ERCC3: variants seen among roughly 807,000 people sequenced by gnomAD.
The protein encoded by ERCC3 is ERCC excision repair 3, TFIIH core complex helicase subunit.
ERCC3 carries 66 observed loss-of-function variants against 94.2 expected under a neutral mutation model. The ratio of observed to expected loss-of-function variants is 0.70; its 90% CI spans 0.57 to 0.86. The LOEUF is 0.86. Among genes scored for constraint, ERCC3 ranks in the 40% least tolerant of loss-of-function variants. The pLI is 0.00. For missense variants in ERCC3, 829 were observed against 987.1 expected (o/e 0.84, Z 2.15); for synonymous variants, 349 against 369.1 (o/e 0.95, Z 0.63).
In ERCC3 at chr2:127,291,561, G is replaced by A. The variant is rs1018780153; in HGVS notation, c.471+1049C>T. 3.3e-5 allele frequency among the ~76,000 whole-genome samples: 5 copies of A among 152,118 alleles called. No homozygotes were observed. Among genetic ancestry groups the A allele is most frequent in the Admixed American group, 2.6e-4 (4 of 15,256 alleles). On this transcript the variant is annotated intron_variant, in intron 3 of 14. Transcript: ENST00000285398. This position sits in a 1 kb window ranked among gnomAD's most constrained non-coding sequence, Gnocchi z 4.9. ...CAGGAGTGAGCCACTGCACCTGGCCGGGCACGCTTTCACATCACAGGAAAA... is the reference window on the plus strand; with the variant it reads ...CAGGAGTGAGCCACTGCACCTGGCCAGGCACGCTTTCACATCACAGGAAAA...
rs1451334546 is a variant in ERCC3, at chr2:127,280,326, G to A, written c.1527+121C>T. On this transcript the variant is annotated intron_variant, in intron 9 of 14. Transcript: ENST00000285398. This position sits in a 1 kb window ranked among gnomAD's most constrained non-coding sequence, Gnocchi z 6.3. ...CACAGGGTGACTGAGGATCCTGTAT[G>A]AAGTGGTAGCAGGTGAGCCTAAGTC... 2.3e-6 allele frequency: 2 copies of A among 876,634 alleles called. No individual in the cohort carries two copies. The highest frequency in any genetic ancestry group is 5.3e-5 in the East Asian group (2 of 37,852). 54.3% of individuals were successfully genotyped at this position (876,634 alleles called of 1,614,324 possible). A position where few individuals can be genotyped will look rare whatever the true frequency, so the allele number is the denominator to read the frequency against.
intron 1 of ERCC3, 164 bp from the exon 2 acceptor site, chr2:127,293,882 G>A (rs1466123133): frequency 6.5e-7 from 1 of 1,531,370 alleles, no homozygotes. Flanking sequence ...CGAGTTCGCT[G>A]GGCTGCGCCC....
Position 127,293,636 on chromosome 2 carries a change from C to G in ERCC3, c.111G>C (p.Ala37=), listed in dbSNP as rs749971925. Residue 37 remains alanine, a synonymous_variant, in exon 2 of 15, where the codon GCG becomes GCC. Transcript: ENST00000285398. ...EDAPGNDPQE[A]VPSAAGKQVD... ...CCTGCTTCCCCGCCGCCGAGGGAAC[C>G]GCTTCCTGAGGGTCGTTCCCCGGGG... The G allele has an allele frequency of 6.2e-7, 1 of 1,614,178 alleles. No individual in the cohort carries two copies. Among genetic ancestry groups the G allele is most frequent in the South Asian group, 1.1e-5 (1 of 91,088 alleles).
Position 127,280,414 on chromosome 2 carries a change from T to G in ERCC3, c.1527+33A>C. 1 of 1,593,100 alleles carries G rather than the reference T, an allele frequency of 6.3e-7. No homozygotes were observed. The highest frequency in any genetic ancestry group is 1.1e-5 in the South Asian group (1 of 88,404). On this transcript the variant is annotated intron_variant, in intron 9 of 14. Coordinates refer to ENST00000285398, the MANE Select transcript of ERCC3 (RefSeq NM_000122.2). The surrounding 1 kb of genome is among the most constrained non-coding windows in gnomAD (Gnocchi z 6.3). ...CTCCCCTGCCCATAGGAGGAGGCCCTTTCCCAGACGCCCCCAGCCCAGGCC... is the reference window on the plus strand; with the variant it reads ...CTCCCCTGCCCATAGGAGGAGGCCCGTTCCCAGACGCCCCCAGCCCAGGCC...
Position 127,287,490 on chromosome 2 carries a change from C to T in ERCC3, c.1028-473G>A, listed in dbSNP as rs182337346. ...TTTACTAAAAATACAAAAAATTAGC[C>T]GGGCATGGTGGCGGGCGCCTATAAT... On this transcript the variant is annotated intron_variant, in intron 7 of 14. Transcript: ENST00000285398. Among the ~76,000 whole-genome samples, 20 of 152,032 alleles carry T rather than the reference C, an allele frequency of 1.3e-4. 1 individual carries two copies. In the South Asian group the frequency reaches 2.1e-3, roughly 16 times the overall value.
At position 127,271,597 on chromosome 2, in the gene ERCC3, G is replaced by A. The variant is rs1418838021; in HGVS notation, c.1828-144C>T. 1.4e-6 allele frequency: 1 copy of A among 693,002 alleles called. No individual in the cohort carries two copies. Among genetic ancestry groups the A allele is most frequent in the Non-Finnish European group, 2.5e-6 (1 of 392,874 alleles). 42.9% of individuals were successfully genotyped at this position (693,002 alleles called of 1,614,324 possible). A position where few individuals can be genotyped will look rare whatever the true frequency, so the allele number is the denominator to read the frequency against. ...TACCAGGGTCTATCTGATGCAGGCA[G>A]AGAGAGGTGAAGCAATAAACCTCAG... On this transcript the variant is annotated intron_variant, in intron 11 of 14. Transcript: ENST00000285398. The surrounding 1 kb of genome is among the most constrained non-coding windows in gnomAD (Gnocchi z 5.0).
intron 10 of ERCC3, among the ~76,000 whole-genome samples, chr2:127,275,349 C>T (rs370795496): frequency 4.0e-5 from 6 of 151,780 alleles, no homozygotes; most frequent in African/African-American, 1.5e-4. Context: ...ATTTTAGAAG[C>T]GAGAAAACCA....
Position 127,257,752 on chromosome 2 carries a change from A to G in ERCC3, c.2218-25T>C, listed in dbSNP as rs1445310619. Reference sequence around the variant, plus strand: ...CCTGCCGGGAAGGGGGAACCAGCCCATGTTAGTCTCCAGAAGAAAAGATAC... The same window carrying G: ...CCTGCCGGGAAGGGGGAACCAGCCCGTGTTAGTCTCCAGAAGAAAAGATAC... On this transcript the variant is annotated intron_variant, in intron 14 of 14. Transcript: ENST00000285398. This position sits in a 1 kb window ranked among gnomAD's most constrained non-coding sequence, Gnocchi z 5.4. 3 of 1,614,178 alleles carry G rather than the reference A, an allele frequency of 1.9e-6. No individual in the cohort carries two copies. Among genetic ancestry groups the G allele is most frequent in the Admixed American group, 3.3e-5 (2 of 60,024 alleles).
chr2:127,288,299 T>TA (rs1685145488), intron 7 of ERCC3, among the ~76,000 whole-genome samples: 1 of 152,166 alleles, frequency 6.6e-6, no homozygotes, highest in Non-Finnish European at 1.5e-5. Flanking sequence ...CTAACCCCAC[T>TA]AAGTGCAACA....
chr2:127,271,506 C>T lies in ERCC3; in HGVS notation c.1828-53G>A, dbSNP rs1437930156. On this transcript the variant is annotated intron_variant, in intron 11 of 14. Transcript: ENST00000285398. The surrounding 1 kb of genome is among the most constrained non-coding windows in gnomAD (Gnocchi z 5.0). Reference sequence around the variant, plus strand: ...TATATGAGGAAAAAAAAAAAGTCAACTGATCCAGAATTTAAATAAGTTCTG... The same window carrying T: ...TATATGAGGAAAAAAAAAAAGTCAATTGATCCAGAATTTAAATAAGTTCTG... The T allele has an allele frequency of 1.4e-5, 16 of 1,174,390 alleles. No homozygotes were observed. The African/African-American group carries it at 2.0e-4, about 14-fold the overall frequency. 72.7% of individuals were successfully genotyped at this position (1,174,390 alleles called of 1,614,324 possible). A position where few individuals can be genotyped will look rare whatever the true frequency, so the allele number is the denominator to read the frequency against.
intron 12 of ERCC3, chr2:127,261,935 T>C (rs1684201702): frequency 6.0e-6 from 1 of 165,560 alleles, no homozygotes; most frequent in Non-Finnish European, 1.3e-5. Context: ...ATCAAAATGT[T>C]AAACACACTG....
rs1170079724 is a variant in ERCC3 at position 127,289,496 on chromosome 2, A to G, written c.663T>C (p.Ser221=). The change falls in exon 6 of 15, where the codon TCT becomes TCC. Residue 221 remains serine, a synonymous_variant. Coordinates refer to ENST00000285398, the MANE Select transcript of ERCC3 (RefSeq NM_000122.2). Reference sequence around the variant, plus strand: ...GCCCACCACTGCTTTCAGCAGTCTTAGAAATCTGTGAGAGAGGTAGGTGCT... The same window carrying G: ...GCCCACCACTGCTTTCAGCAGTCTTGGAAATCTGTGAGAGAGGTAGGTGCT... ...TETFTSKSAI[S]KTAESSGGPS... is the part of the protein sequence containing the mutation. 3 of 1,612,518 alleles carry G rather than the reference A, an allele frequency of 1.9e-6. No individual in the cohort carries two copies. The highest frequency in any genetic ancestry group is 2.5e-6 in the Non-Finnish European group (3 of 1,180,004).
intron 10 of ERCC3, 144 bp from the exon 11 acceptor site, chr2:127,273,105 T>C (rs532090405): frequency 1.6e-6 from 1 of 627,124 alleles, no homozygotes; most frequent in African/African-American, 1.8e-5. Flanking sequence ...CCCAAAAAAA[T>C]GACTGGCTAC....
intron 1 of ERCC3, 118 bp from the exon 2 acceptor site, chr2:127,293,836 C>T (rs1394489369): frequency 6.3e-7 from 1 of 1,582,886 alleles, no homozygotes; most frequent in Admixed American, 1.8e-5. Flanking sequence ...ACCTGCATCC[C>T]GCAGGCGTTG....
chr2:127,271,139 A>G lies in ERCC3; in HGVS notation c.1945+197T>C, dbSNP rs879932060. ...GTGGATTCCGTGACACTGTCATGGA[A>G]AACACCTGCATATTCACCCCCAAGG... On this transcript the variant is annotated intron_variant, in intron 12 of 14. Coordinates refer to ENST00000285398, the MANE Select transcript of ERCC3 (RefSeq NM_000122.2). The surrounding 1 kb of genome is among the most constrained non-coding windows in gnomAD (Gnocchi z 5.0). 1.3e-5 allele frequency among the ~76,000 whole-genome samples: 2 copies of G among 152,186 alleles called. No homozygotes were observed. Among genetic ancestry groups the G allele is most frequent in the Non-Finnish European group, 2.9e-5 (2 of 68,044 alleles).
chr2:127,283,914 T>C (rs1684992490), intron 8 of ERCC3, among the ~76,000 whole-genome samples: 2 of 152,242 alleles, frequency 1.3e-5, no homozygotes, highest in South Asian at 4.1e-4. Context: ...CTTTTTGCCA[T>C]GGCCTGAATG....
At chr2:127,265,248 G>T (rs1457037432) in intron 12 of ERCC3, among the ~76,000 whole-genome samples, 1 of 152,078 alleles carries the variant, frequency 6.6e-6, no homozygotes, top group African/African-American at 2.4e-5. Context: ...ATGTTTCCAG[G>T]AATTTATCTA....
intron 8 of ERCC3, among the ~76,000 whole-genome samples, chr2:127,281,853 T>C (rs766700051): frequency 6.6e-6 from 1 of 151,972 alleles, no homozygotes; most frequent in African/African-American, 2.4e-5. Flanking sequence ...CAAAATACAG[T>C]AGCCAAGAAC....
chr2:127,266,605 G>A (rs190085088), intron 12 of ERCC3, among the ~76,000 whole-genome samples: 1,698 of 152,008 alleles, frequency 0.011, 18 homozygotes, highest in Non-Finnish European at 0.017. Context: ...CCAAAGTGCT[G>A]GGATTATCGG....
Sources: allele counts gnomAD v4.1 joint callset (sites outside exome capture counted in the v4.1 genomes callset), GRCh38; gene constraint gnomAD v4.1.1; non-coding constraint Gnocchi (gnomAD v3.1); transcripts MANE v1.5; gene names NCBI Gene and HGNC (gene_info 2026-07-23, HGNC 2026-07-21).